The following TNFSF4 variants were observed in gnomAD, a reference collection of about 807,000 sequenced individuals.
TNFSF4 encodes the protein tumor necrosis factor ligand superfamily member 4.
A neutral mutation model predicts 7.3 loss-of-function variants in TNFSF4; 4 were observed. The observed-to-expected ratio is 0.55, with a 90% CI of 0.27 to 1.25. The LOEUF (loss-of-function observed/expected upper bound fraction) is 1.25. TNFSF4 is among the 50% of genes most tolerant of loss of function. TNFSF4 has a pLI of 0.12. For synonymous variants in TNFSF4, 76 were observed against 83.7 expected, an observed-to-expected ratio of 0.91 and a Z score of 0.50; for missense variants, 181 against 208.8, an observed-to-expected ratio of 0.87 and a Z score of 0.82.
At chr1:173,228,585 C>G in the TNFSF4 span, among the ~76,000 whole-genome samples, 1 of 152,178 alleles carries the variant, frequency 6.6e-6, no homozygotes, top group Non-Finnish European at 1.5e-5. Flanking sequence ...CGGAGAATGA[C>G]TTTGACAAGT....
the TNFSF4 span, among the ~76,000 whole-genome samples, chr1:173,422,795 C>G: frequency 6.6e-6 from 1 of 152,182 alleles, no homozygotes; most frequent in Non-Finnish European, 1.5e-5. Context: ...ACGGAACACC[C>G]ATATGTGGGC....
chr1:173,322,074 T>C, the TNFSF4 span, among the ~76,000 whole-genome samples: 2 of 152,144 alleles, frequency 1.3e-5, no homozygotes, highest in African/African-American at 2.4e-5. Flanking sequence ...CAAACGCCGA[T>C]TAATAATAGA....
At chr1:173,407,580 A>T in the TNFSF4 span, among the ~76,000 whole-genome samples, 2 of 151,500 alleles carry the variant, frequency 1.3e-5, no homozygotes, top group Non-Finnish European at 2.9e-5. Flanking sequence ...AAAAAAAAAA[A>T]AAAGTTACAA....
the TNFSF4 span, among the ~76,000 whole-genome samples, chr1:173,389,360 C>A: frequency 6.6e-6 from 1 of 152,154 alleles, no homozygotes; most frequent in African/African-American, 2.4e-5. Context: ...TAAAATAGTT[C>A]TAAATATGTT....
chr1:173,365,454 T>C, the TNFSF4 span, among the ~76,000 whole-genome samples: 1 of 152,222 alleles, frequency 6.6e-6, no homozygotes, highest in Non-Finnish European at 1.5e-5. Context: ...CATTGTCCTA[T>C]AATGAGGGGA....
At chr1:173,311,398 T>C in the TNFSF4 span, among the ~76,000 whole-genome samples, 2 of 152,100 alleles carry the variant, frequency 1.3e-5, no homozygotes, top group East Asian at 1.9e-4. Flanking sequence ...CAGATATAGA[T>C]ACAAGATAAA....
the TNFSF4 span, among the ~76,000 whole-genome samples, chr1:173,315,768 T>C: frequency 5.3e-3 from 801 of 152,304 alleles, 4 homozygotes; most frequent in Middle Eastern, 0.01. Context: ...GTTGAGTTGT[T>C]TGAATTCCTT....
chr1:173,217,915 T>C, the TNFSF4 span, among the ~76,000 whole-genome samples: 3 of 151,948 alleles, frequency 2.0e-5, no homozygotes, highest in African/African-American at 7.3e-5. Flanking sequence ...GTACAGCTAA[T>C]TTTTTTTATT....
At chr1:173,245,446 G>A in the TNFSF4 span, among the ~76,000 whole-genome samples, 523 of 152,076 alleles carry the variant, frequency 3.4e-3, 6 homozygotes, top group African/African-American at 0.012. Context: ...GCTTTGTTTC[G>A]TTTTGTGTGT....
At chr1:173,409,751 A>G in the TNFSF4 span, among the ~76,000 whole-genome samples, 2 of 152,160 alleles carry the variant, frequency 1.3e-5, no homozygotes, top group African/African-American at 4.8e-5. Flanking sequence ...TCTAATCTAC[A>G]GTGTGAGAAG....
At chr1:173,282,725 G>A in the TNFSF4 span, among the ~76,000 whole-genome samples, 3 of 152,068 alleles carry the variant, frequency 2.0e-5, no homozygotes, top group African/African-American at 7.2e-5. Context: ...CCAAAGTGCT[G>A]GGATTACAGG....
the TNFSF4 span, among the ~76,000 whole-genome samples, chr1:173,441,127 C>T: frequency 2.0e-5 from 3 of 152,170 alleles, no homozygotes; most frequent in Non-Finnish European, 1.5e-5. Context: ...AGTTCAACTC[C>T]AACCACCACA....
At chr1:173,392,341 CTA>C in the TNFSF4 span, among the ~76,000 whole-genome samples, 2,575 of 152,244 alleles carry the variant, frequency 0.017, 78 homozygotes, top group African/African-American at 0.059. Context: ...CCAAGTTTTA[CTA>C]GTCAGTTTGA....
the TNFSF4 span, among the ~76,000 whole-genome samples, chr1:173,384,568 C>CT: frequency 6.6e-6 from 1 of 152,202 alleles, no homozygotes; most frequent in Admixed American, 6.5e-5. Flanking sequence ...CTGACCCCCT[C>CT]TTCCAGCACC....
chr1:173,360,599 A>T, the TNFSF4 span, among the ~76,000 whole-genome samples: 1 of 152,182 alleles, frequency 6.6e-6, no homozygotes, highest in Non-Finnish European at 1.5e-5. Flanking sequence ...TGAATTACAA[A>T]AGGTGGATAG....
chr1:173,240,572 C>T, the TNFSF4 span, among the ~76,000 whole-genome samples: 410 of 152,220 alleles, frequency 2.7e-3, 2 homozygotes, highest in South Asian at 8.1e-3. Flanking sequence ...TACAATCACA[C>T]TTTATATATT....
chr1:173,245,108 A>G, the TNFSF4 span, among the ~76,000 whole-genome samples: 1 of 151,962 alleles, frequency 6.6e-6, no homozygotes, highest in Non-Finnish European at 1.5e-5. Flanking sequence ...AGAGGGTACC[A>G]CCACACCTTC....
the TNFSF4 span, among the ~76,000 whole-genome samples, chr1:173,219,669 T>TACACACAC: frequency 4.1e-5 from 6 of 146,890 alleles, no homozygotes; most frequent in South Asian, 1.3e-3. Flanking sequence ...GAAATTGTGA[T>TACACACAC]ACACACACAC....
chr1:173,428,405 G>A, the TNFSF4 span, among the ~76,000 whole-genome samples: 1 of 152,174 alleles, frequency 6.6e-6, no homozygotes, highest in Non-Finnish European at 1.5e-5. Context: ...ACAGGACAAA[G>A]TACTCAGTTT....
Sources: allele counts gnomAD v4.1 joint callset (sites outside exome capture counted in the v4.1 genomes callset), GRCh38; gene constraint gnomAD v4.1.1; transcripts MANE v1.5; gene names NCBI Gene and HGNC (gene_info 2026-07-23, HGNC 2026-07-21).